THEM6: variants seen among roughly 807,000 people sequenced by gnomAD.
THEM6 encodes the protein thioesterase superfamily member 6.
A neutral mutation model predicts 13.7 loss-of-function variants in THEM6; 10 were observed. The ratio of observed to expected loss-of-function variants is 0.73; its 90% CI spans 0.45 to 1.24. THEM6 has a LOEUF of 1.24. Ranked by LOEUF, THEM6 falls within the 50% of genes most tolerant of loss-of-function variation. The pLI is 0.00. For missense variants in THEM6, 317 were observed against 312.6 expected (o/e 1.01, Z -0.11); for synonymous variants, 161 against 156.0 (o/e 1.03, Z -0.24).
At chr8:142,732,873 C>T (rs587621390) in intron 1 of THEM6, among the ~76,000 whole-genome samples, 78 of 152,270 alleles carry the variant, frequency 5.1e-4, no homozygotes, top group Non-Finnish European at 5.6e-4. Flanking sequence ...TAGCCCTGTA[C>T]GGATTGCCAC....
In THEM6 at chr8:142,735,446, C is replaced by T. The variant is rs777681513; in HGVS notation, c.*7C>T. 1 of 1,555,230 alleles carries T rather than the reference C, an allele frequency of 6.4e-7. No homozygotes were observed. The highest frequency in any genetic ancestry group is 2.4e-5 in the East Asian group (1 of 41,700). ...TGTCACCAAGGACCAGTGACCGCCACCTTCACACCGTCTGCCCTGGCCACC... is the reference window on the plus strand; with the variant it reads ...TGTCACCAAGGACCAGTGACCGCCATCTTCACACCGTCTGCCCTGGCCACC... On this transcript the variant is annotated 3_prime_UTR_variant, in exon 2 of 2. Transcript: ENST00000336138.
At position 142,727,590 on chromosome 8, in the gene THEM6, CT is replaced by C; in HGVS notation, c.245del (p.Leu82ArgfsTer10). On this transcript the variant is annotated frameshift_variant, in exon 1 of 2. Transcript: ENST00000336138. LOFTEE classifies it high-confidence loss of function. ...READFARVAH[L>X]TRCGVLGALR... is the part of the protein sequence containing the mutation. ...GGCCGACTTTGCGCGCGTCGCGCACCTGACCCGCTGCGGGGTGCTCGGGGCG... is the reference window on the plus strand; with the variant it reads ...GGCCGACTTTGCGCGCGTCGCGCACCGACCCGCTGCGGGGTGCTCGGGGCG... The C allele has an allele frequency of 6.6e-7, 1 of 1,521,336 alleles. No individual in the cohort carries two copies. The highest frequency in any genetic ancestry group is 8.8e-7 in the Non-Finnish European group (1 of 1,141,928). The allele number at this position is 1,521,336 out of a possible 1,614,324, so 94.2% of individuals were successfully genotyped here. A position where few individuals can be genotyped will look rare whatever the true frequency, so the allele number is the denominator to read the frequency against.
chr8:142,732,318 C>G (rs587612041), intron 1 of THEM6, among the ~76,000 whole-genome samples: 52 of 150,338 alleles, frequency 3.5e-4, no homozygotes, highest in African/African-American at 1.3e-3. Context: ...TGACCTGTTT[C>G]CTCCTTTCCC....
At chr8:142,732,714 T>C (rs1200065383) in intron 1 of THEM6, among the ~76,000 whole-genome samples, 2 of 151,024 alleles carry the variant, frequency 1.3e-5, no homozygotes, top group African/African-American at 4.9e-5. Context: ...CCAGTTTCTT[T>C]TTTTTTTTTT....
chr8:142,730,060 A>C (rs1437788594), intron 1 of THEM6, among the ~76,000 whole-genome samples: 3 of 152,226 alleles, frequency 2.0e-5, no homozygotes, highest in Non-Finnish European at 4.4e-5. Context: ...GTCTGAGGTG[A>C]GTTAGTTACA....
At chr8:142,728,937 CTTT>C (rs58263738) in intron 1 of THEM6, among the ~76,000 whole-genome samples, 1 of 107,260 alleles carries the variant, frequency 9.3e-6, no homozygotes, top group Non-Finnish European at 1.8e-5. Flanking sequence ...TTACTATTTT[CTTT>C]TTTTTTTTTT....
Position 142,727,252 on chromosome 8 carries a change from G to C in THEM6, c.-95G>C. ...CGCTCCGGGCGCGCTGCGCTCGTGA[G>C]TTCCCAGGAGGCCTGGCGGGCACCG... On this transcript the variant is annotated 5_prime_UTR_variant, in exon 1 of 2. Coordinates refer to ENST00000336138, the MANE Select transcript of THEM6 (RefSeq NM_016647.3). 1 of 1,278,824 alleles carries C rather than the reference G, an allele frequency of 7.8e-7. No individual in the cohort carries two copies. The highest frequency in any genetic ancestry group is 1.0e-6 in the Non-Finnish European group (1 of 990,068). 79.2% of individuals were successfully genotyped at this position (1,278,824 alleles called of 1,614,324 possible). A position where few individuals can be genotyped will look rare whatever the true frequency, so the allele number is the denominator to read the frequency against.
intron 1 of THEM6, among the ~76,000 whole-genome samples, chr8:142,734,251 ATCTC>A (rs1393435716): frequency 7.2e-6 from 1 of 139,554 alleles, no homozygotes; most frequent in Admixed American, 7.4e-5. Flanking sequence ...AAAGGCCTAG[ATCTC>A]TCTCTGTCCC....
rs1167766765 is a variant in THEM6, at chr8:142,735,567, A to G, written c.*128A>G. On this transcript the variant is annotated 3_prime_UTR_variant, in exon 2 of 2. Transcript: ENST00000336138. ...TGACCAGCCTGGCCCACCCTGCTCCACCCACTGGGCCCCCCCAGTTATTGA... is the reference window on the plus strand; with the variant it reads ...TGACCAGCCTGGCCCACCCTGCTCCGCCCACTGGGCCCCCCCAGTTATTGA... 26 of 694,180 alleles carry G rather than the reference A, an allele frequency of 3.7e-5. 1 individual carries two copies. In the South Asian group the frequency reaches 4.2e-4, roughly 11 times the overall value. The allele number at this position is 694,180 out of a possible 1,614,324, so 43.0% of individuals were successfully genotyped here.
At chr8:142,729,793 G>A (rs1554642781) in intron 1 of THEM6, among the ~76,000 whole-genome samples, 1 of 152,176 alleles carries the variant, frequency 6.6e-6, no homozygotes, top group Non-Finnish European at 1.5e-5. Flanking sequence ...AGGGGTTTTA[G>A]ATCTGCACAG....
At chr8:142,733,434 G>A (rs1029072066) in intron 1 of THEM6, among the ~76,000 whole-genome samples, 4 of 152,154 alleles carry the variant, frequency 2.6e-5, no homozygotes, top group East Asian at 3.9e-4. Flanking sequence ...TAATTAGATC[G>A]GTAGGAAAGT....
Position 142,732,022 on chromosome 8 carries a change from G to C in THEM6, c.514-3304G>C, listed in dbSNP as rs587769360. Among the ~76,000 whole-genome samples the C allele has an allele frequency of 3.1e-3, 464 of 150,890 alleles. 2 individuals are homozygous for C. The highest frequency in any genetic ancestry group is 5.5e-3 in the Non-Finnish European group (369 of 67,628). On this transcript the variant is annotated intron_variant, in intron 1 of 1. Transcript: ENST00000336138. ...CCTCTCCTAGTTCTTTTTCCTGTCT[G>C]CTGGTCTTTCCTTTGTCTCTGCCAG...
At chr8:142,735,247 G>T (rs1815731838) in intron 1 of THEM6, 79 bp from the exon 2 acceptor site, 2 of 1,075,414 alleles carry the variant, frequency 1.9e-6, no homozygotes, top group Non-Finnish European at 2.8e-6. Flanking sequence ...AAGGTCACGG[G>T]CTGGGGAGCA....
Position 142,731,214 on chromosome 8 carries a change from G to A in THEM6, c.513+3355G>A, listed in dbSNP as rs1251109725. ...CATCCAGTTCACAGAAAAACTGCATGATACCCCTTTAGCTTTAGCCAATAT... is the reference window on the plus strand; with the variant it reads ...CATCCAGTTCACAGAAAAACTGCATAATACCCCTTTAGCTTTAGCCAATAT... On this transcript the variant is annotated intron_variant, in intron 1 of 1. Transcript: ENST00000336138. Among the ~76,000 whole-genome samples, 5 of 152,312 alleles carry A rather than the reference G, an allele frequency of 3.3e-5. No individual in the cohort carries two copies. In the East Asian group the frequency reaches 9.6e-4, roughly 29 times the overall value.
At chr8:142,729,483 T>C (rs1473842462) in intron 1 of THEM6, among the ~76,000 whole-genome samples, 5 of 152,228 alleles carry the variant, frequency 3.3e-5, no homozygotes, top group African/African-American at 1.2e-4. Context: ...ACTCTCTCGA[T>C]GGCTAAGGTC....
At chr8:142,730,992 G>A (rs1258989810) in intron 1 of THEM6, among the ~76,000 whole-genome samples, 12 of 152,276 alleles carry the variant, frequency 7.9e-5, no homozygotes, top group African/African-American at 2.2e-4. Flanking sequence ...TGATCCGCCC[G>A]CCTCAGCCTT....
Position 142,735,328 on chromosome 8 carries a change from G to A in THEM6, c.516G>A (p.Val172=). 3.9e-6 allele frequency: 6 copies of A among 1,555,084 alleles called. No individual in the cohort carries two copies. The South Asian group carries it at 4.7e-5, about 12-fold the overall frequency. The part of the protein sequence containing the change: ...RVVQHLCQRR[V]EPPELPADLQ... ...TGTCCCCTTTCTGTCCTCTGCAGGT[G>A]GAGCCCCCTGAGCTGCCCGCTGATC... Residue 172 remains valine, a splice_region_variant and synonymous_variant, in exon 2 of 2, where the codon GTG becomes GTA. Transcript: ENST00000336138.
chr8:142,729,597 A>T lies in THEM6; in HGVS notation c.513+1738A>T, dbSNP rs369060460. Among the ~76,000 whole-genome samples the T allele has an allele frequency of 4.6e-5, 7 of 152,066 alleles. No individual in the cohort carries two copies. In the East Asian group the frequency reaches 5.8e-4, roughly 13 times the overall value. On this transcript the variant is annotated intron_variant, in intron 1 of 1. Transcript: ENST00000336138. ...ACTGAGGCTACTGAAGAAGGGGGAG[A>T]TGGGGGAATAATGCGTATTTAAAAA...
intron 1 of THEM6, among the ~76,000 whole-genome samples, chr8:142,732,644 T>G (rs1198615385): frequency 6.6e-6 from 1 of 152,062 alleles, no homozygotes; most frequent in East Asian, 1.9e-4. Context: ...TTCTCCTTCC[T>G]TGGTCTGTGC....
Sources: gnomAD v4.1 joint callset for allele counts (sites outside exome capture counted in the v4.1 genomes callset) on GRCh38, gnomAD v4.1.1 for gene constraint, MANE v1.5 for transcripts, NCBI Gene and HGNC (gene_info 2026-07-23, HGNC 2026-07-21) for gene names.